NRG1: variants seen among roughly 807,000 people sequenced by gnomAD.
The protein encoded by NRG1 is pro-neuregulin-1, membrane-bound isoform.
NRG1 carries 18 observed loss-of-function variants against 63.8 expected under a neutral mutation model. The ratio of observed to expected loss-of-function variants is 0.28; its 90% CI spans 0.19 to 0.42. NRG1 has a LOEUF of 0.42. NRG1 is among the 10% of genes least tolerant of loss of function. NRG1 has a pLI of 1.00. For missense variants in NRG1, 762 were observed against 814.7 expected, an observed-to-expected ratio of 0.94 and a Z score of 0.79; for synonymous variants, 302 against 301.3, an observed-to-expected ratio of 1.00 and a Z score of -0.02.
At chr8:32,168,197 G>A (rs771962586) in intron 1 of NRG1, among the ~76,000 whole-genome samples, 83 of 152,132 alleles carry the variant, frequency 5.5e-4, no homozygotes, top group Non-Finnish European at 6.0e-4. Flanking sequence ...AATAACTGTG[G>A]AAGAAGCAGA....
chr8:32,258,298 C>T (rs1209393148), intron 1 of NRG1, among the ~76,000 whole-genome samples: 1 of 152,134 alleles, frequency 6.6e-6, no homozygotes, highest in African/African-American at 2.4e-5. Flanking sequence ...TTGACCTTCC[C>T]ACAGTGAATG....
At chr8:31,999,110 CCTT>C (rs1409717928) in intron 1 of NRG1, among the ~76,000 whole-genome samples, 3 of 151,278 alleles carry the variant, frequency 2.0e-5, no homozygotes, top group Non-Finnish European at 3.0e-5. Flanking sequence ...AATGCACTGA[CCTT>C]CTGTAAAAAT....
chr8:32,273,468 AT>A (rs1364258479), intron 1 of NRG1, among the ~76,000 whole-genome samples: 5 of 152,110 alleles, frequency 3.3e-5, no homozygotes, highest in Non-Finnish European at 5.9e-5. Context: ...AAGTTATTTA[AT>A]TTTTTTGAAC....
chr8:31,797,603 C>T (rs1821353092), intron 1 of NRG1, among the ~76,000 whole-genome samples: 1 of 152,156 alleles, frequency 6.6e-6, no homozygotes, highest in East Asian at 1.9e-4. Flanking sequence ...AACAATTGCA[C>T]TATTGGGTAT....
chr8:31,769,739 G>A (rs1818429622), intron 1 of NRG1, among the ~76,000 whole-genome samples: 1 of 152,168 alleles, frequency 6.6e-6, no homozygotes, highest in Non-Finnish European at 1.5e-5. Flanking sequence ...AGAAGGCTGA[G>A]AGTGGGGATT....
At chr8:32,465,514 AG>A (rs1822944379) in intron 1 of NRG1, among the ~76,000 whole-genome samples, 1 of 152,232 alleles carries the variant, frequency 6.6e-6, no homozygotes. Flanking sequence ...CAAAATAGTG[AG>A]AGTCCTAAAG....
exon 11 of NRG1, chr8:32,760,309 C>G (rs746310035): frequency 6.2e-7 from 1 of 1,614,044 alleles, no homozygotes; most frequent in Non-Finnish European, 8.5e-7. Context: ...CCCAAGAGGA[C>G]GTCTTAATGG....
chr8:31,818,494 G>T (rs990353575), intron 1 of NRG1, among the ~76,000 whole-genome samples: 1 of 152,142 alleles, frequency 6.6e-6, no homozygotes, highest in African/African-American at 2.4e-5. Flanking sequence ...GAAAGGAGAT[G>T]GTTTAGGGAT....
At chr8:32,027,449 CTT>C (rs1491376387) in intron 1 of NRG1, among the ~76,000 whole-genome samples, 111 of 131,516 alleles carry the variant, frequency 8.4e-4, no homozygotes, top group South Asian at 2.9e-3. Context: ...TCCTTCCTTC[CTT>C]CCTTCCTTCC....
At chr8:31,864,253 A>G (rs1828741038) in intron 1 of NRG1, among the ~76,000 whole-genome samples, 1 of 152,188 alleles carries the variant, frequency 6.6e-6, no homozygotes, top group Admixed American at 6.5e-5. Context: ...TGACCAGGTA[A>G]TGCTAAGTAG....
intron 1 of NRG1, among the ~76,000 whole-genome samples, chr8:32,101,781 T>C (rs1272390027): frequency 6.6e-6 from 1 of 152,196 alleles, no homozygotes; most frequent in East Asian, 1.9e-4. Context: ...CTTATAGTTA[T>C]AGAAATTAGG....
At chr8:32,754,831 A>G (rs1278079074) in intron 8 of NRG1, among the ~76,000 whole-genome samples, 4 of 152,122 alleles carry the variant, frequency 2.6e-5, no homozygotes, top group African/African-American at 9.7e-5. Context: ...GGGCTTTAGT[A>G]TAATTAAGTT....
rs568445054 is a variant in NRG1, at chr8:31,964,005, T to A, written c.37+324574T>A. Among the ~76,000 whole-genome samples the A allele has an allele frequency of 1.8e-3, 278 of 152,288 alleles. 3 individuals carry two copies. The highest frequency in any genetic ancestry group is 7.5e-3 in the Admixed American group (115 of 15,304). On this transcript the variant is annotated intron_variant, in intron 1 of 10. Transcript: ENST00000519301. ...TTTCAAACCTACATATTCTCTTCCC[T>A]AAACATGCCACTGGCTGGCTGGGAT...
intron 1 of NRG1, among the ~76,000 whole-genome samples, chr8:32,575,722 G>T (rs1030984267): frequency 6.6e-6 from 1 of 152,146 alleles, no homozygotes; most frequent in Admixed American, 6.5e-5. Flanking sequence ...CCAATGTAAG[G>T]CTTGAATGTT....
At chr8:32,624,912 A>G (rs989554338) in intron 5 of NRG1, among the ~76,000 whole-genome samples, 6 of 152,324 alleles carry the variant, frequency 3.9e-5, no homozygotes, top group African/African-American at 1.4e-4. Context: ...GAGTAATTGT[A>G]TGTTGATTAG....
intron 1 of NRG1, among the ~76,000 whole-genome samples, chr8:32,343,267 A>G (rs1804309342): frequency 6.6e-6 from 1 of 152,178 alleles, no homozygotes; most frequent in Non-Finnish European, 1.5e-5. Flanking sequence ...TTGATTTTAC[A>G]TGTCCCATCC....
At chr8:31,721,743 G>A (rs982687100) in intron 1 of NRG1, among the ~76,000 whole-genome samples, 2 of 152,060 alleles carry the variant, frequency 1.3e-5, no homozygotes, top group Non-Finnish European at 2.9e-5. Context: ...TGTGTGAAAC[G>A]CATGTTGCAG....
intron 1 of NRG1, among the ~76,000 whole-genome samples, chr8:31,899,055 C>A (rs1285655592): frequency 6.6e-6 from 1 of 151,880 alleles, no homozygotes; most frequent in Non-Finnish European, 1.5e-5. Context: ...CTTATCCTAG[C>A]AGAAGATTTA....
At position 32,039,799 on chromosome 8, in the gene NRG1, G is replaced by T. The variant is rs180864509; in HGVS notation, c.37+400368G>T. 5.5e-4 allele frequency among the ~76,000 whole-genome samples: 84 copies of T among 151,864 alleles called. 1 individual carries two copies. Among genetic ancestry groups the T allele is most frequent in the African/African-American group, 1.9e-3 (77 of 41,386 alleles). ...TTTTGGAAGCCAAGGCAGGACGATC[G>T]CTTGAGACCAGGAGTTCGAGACCAG... On this transcript the variant is annotated intron_variant, in intron 1 of 10. Transcript: ENST00000519301.
Sources: allele counts gnomAD v4.1 joint callset (sites outside exome capture counted in the v4.1 genomes callset), GRCh38; gene constraint gnomAD v4.1.1; transcripts MANE v1.5; gene names NCBI Gene and HGNC (gene_info 2026-07-23, HGNC 2026-07-21).